SLCO2B1: variants seen among roughly 807,000 people sequenced by gnomAD.
SLCO2B1 encodes the protein OATP-RP2.
SLCO2B1 carries 41 observed loss-of-function variants against 67.3 expected under a neutral mutation model. That is an observed-to-expected ratio of 0.61 (90% CI 0.47 to 0.79). The LOEUF (loss-of-function observed/expected upper bound fraction) is 0.79. Among genes scored for constraint, SLCO2B1 ranks in the 30% least tolerant of loss-of-function variants. The pLI, the probability that SLCO2B1 is intolerant of heterozygous loss-of-function variation, is 0.00. For synonymous variants in SLCO2B1, 379 were observed against 381.4 expected (o/e 0.99, Z 0.07); for missense variants, 837 against 920.1 (o/e 0.91, Z 1.17).
intron 8 of SLCO2B1, among the ~76,000 whole-genome samples, chr11:75,191,634 G>A (rs1460069672): frequency 6.6e-6 from 1 of 152,174 alleles, no homozygotes. Flanking sequence ...TCCCATGACA[G>A]AGGCCCTGGT....
intron 2 of SLCO2B1, among the ~76,000 whole-genome samples, chr11:75,163,209 A>G (rs185265474): frequency 6.6e-6 from 1 of 152,302 alleles, no homozygotes; most frequent in East Asian, 1.9e-4. Context: ...GATCTTATTT[A>G]GTTCTCACAA....
intron 7 of SLCO2B1, among the ~76,000 whole-genome samples, chr11:75,180,129 T>C (rs1462292219): frequency 6.6e-6 from 1 of 152,226 alleles, no homozygotes; most frequent in African/African-American, 2.4e-5. Context: ...GTAATTTGCC[T>C]GTCTCAGCCT....
intron 11 of SLCO2B1, chr11:75,200,588 G>C (rs1945167897): frequency 1.9e-6 from 1 of 515,942 alleles, no homozygotes; most frequent in Non-Finnish European, 3.3e-6. Context: ...AGAAAATTGA[G>C]GCTCAGAGAA....
chr11:75,199,066 C>T (rs1352502004), intron 10 of SLCO2B1, among the ~76,000 whole-genome samples: 2 of 152,200 alleles, frequency 1.3e-5, no homozygotes, highest in African/African-American at 2.4e-5. Context: ...CAGGATGCCT[C>T]TCTCCCAGGA....
At chr11:75,198,225 T>C (rs1436091511) in intron 10 of SLCO2B1, among the ~76,000 whole-genome samples, 1 of 152,148 alleles carries the variant, frequency 6.6e-6, no homozygotes, top group Non-Finnish European at 1.5e-5. Context: ...CTCCTGTGGA[T>C]ATGGGAACCG....
At chr11:75,152,808 G>A (rs931231622) in intron 1 of SLCO2B1, among the ~76,000 whole-genome samples, 9 of 152,124 alleles carry the variant, frequency 5.9e-5, no homozygotes, top group African/African-American at 2.2e-4. Flanking sequence ...GCCATCTCTA[G>A]CCTTGCTTCC....
chr11:75,197,108 C>T (rs1945112180), intron 10 of SLCO2B1, among the ~76,000 whole-genome samples: 1 of 152,224 alleles, frequency 6.6e-6, no homozygotes, highest in Non-Finnish European at 1.5e-5. Context: ...AAGAGTGAAA[C>T]TCCATCTCAA....
In SLCO2B1 at chr11:75,193,785, T is replaced by C. The variant is rs933724864; in HGVS notation, c.1433+210T>C. On this transcript the variant is annotated intron_variant, in intron 9 of 13. Transcript: ENST00000289575. The surrounding 1 kb of genome is among the most constrained non-coding windows in gnomAD (Gnocchi z 4.2). ...GTGTCAGGCACCACTGGAAGGGGCA[T>C]GGATGAGACTTCAGGGGCAGAAACT... Among the ~76,000 whole-genome samples the C allele has an allele frequency of 6.6e-6, 1 of 152,114 alleles. No homozygotes were observed. Among genetic ancestry groups the C allele is most frequent in the Non-Finnish European group, 1.5e-5 (1 of 67,996 alleles).
chr11:75,204,208 G>A (rs921081538), intron 13 of SLCO2B1, 192 bp from the exon 14 acceptor site: 4 of 534,180 alleles, frequency 7.5e-6, no homozygotes, highest in Non-Finnish European at 1.3e-5. Flanking sequence ...GGGCGATGAA[G>A]ATGGCCAGGC....
rs982193356 is a variant in SLCO2B1, at chr11:75,170,962, A to G, written c.781+1198A>G. On this transcript the variant is annotated intron_variant, in intron 6 of 13. Transcript: ENST00000289575. ...CTGCCACCTCGAAACTCCCTTCTCC[A>G]TGGGGGATTTCACAGGGTGGGCAGA... is the stretch of plus-strand genomic sequence containing the variant. Among the ~76,000 whole-genome samples the G allele has an allele frequency of 3.3e-5, 5 of 152,090 alleles. No individual in the cohort carries two copies. In the South Asian group the frequency reaches 8.3e-4, roughly 25 times the overall value.
intron 7 of SLCO2B1, among the ~76,000 whole-genome samples, chr11:75,182,037 C>T (rs1950097743): frequency 6.6e-6 from 1 of 152,220 alleles, no homozygotes; most frequent in African/African-American, 2.4e-5. Context: ...TGTGGCCCAT[C>T]TTTTGGCCCC....
At chr11:75,200,198 G>A in intron 10 of SLCO2B1, 26 bp from the exon 11 acceptor site, 2 of 1,590,800 alleles carry the variant, frequency 1.3e-6, no homozygotes, top group Non-Finnish European at 1.7e-6. Flanking sequence ...GGCTCTTGAA[G>A]TCTCTTCCTC....
chr11:75,168,557 T>C (rs926035424), intron 4 of SLCO2B1, among the ~76,000 whole-genome samples: 1 of 152,164 alleles, frequency 6.6e-6, no homozygotes, highest in Admixed American at 6.5e-5. Flanking sequence ...TGCATCTGTG[T>C]CCCAAGCTGA....
Position 75,200,474 on chromosome 11 carries a change from A to G in SLCO2B1, c.1763+87A>G. On this transcript the variant is annotated intron_variant, in intron 11 of 13. Coordinates refer to ENST00000289575, the MANE Select transcript of SLCO2B1 (RefSeq NM_007256.5). ...CAAGGAATTCCAAGGACGGAGTTCA[A>G]GAAAGGAGGCCACTTGGGTGTCCTG... 6 of 1,395,786 alleles carry G rather than the reference A, an allele frequency of 4.3e-6. No homozygotes were observed. The South Asian group carries it at 7.2e-5, about 17-fold the overall frequency. The allele number at this position is 1,395,786 out of a possible 1,614,324, so 86.5% of individuals were successfully genotyped here.
intron 11 of SLCO2B1, chr11:75,202,057 G>A (rs1945190388): frequency 6.6e-6 from 1 of 152,214 alleles, no homozygotes; most frequent in African/African-American, 2.4e-5. Context: ...AAGAATTTTA[G>A]GAGTGTATGC....
chr11:75,176,885 G>A (rs1363315020), intron 7 of SLCO2B1, among the ~76,000 whole-genome samples: 3 of 152,178 alleles, frequency 2.0e-5, no homozygotes, highest in Non-Finnish European at 1.5e-5. Context: ...CACTGACGGA[G>A]GGATTGGCCC....
At chr11:75,197,458 G>A (rs1291093809) in intron 10 of SLCO2B1, among the ~76,000 whole-genome samples, 2 of 152,252 alleles carry the variant, frequency 1.3e-5, no homozygotes, top group African/African-American at 2.4e-5. Flanking sequence ...ACACACATGC[G>A]CAAGCATGCA....
chr11:75,180,006 A>G (rs79056064), intron 7 of SLCO2B1, among the ~76,000 whole-genome samples: 7 of 143,774 alleles, frequency 4.9e-5, no homozygotes, highest in East Asian at 2.1e-4. Flanking sequence ...TCCCTCTCTT[A>G]GTTATTTTTA....
In SLCO2B1 at chr11:75,193,642, G is replaced by C. The variant is rs1945060300; in HGVS notation, c.1433+67G>C. 2.1e-6 allele frequency: 3 copies of C among 1,417,148 alleles called. No individual in the cohort carries two copies. The highest frequency in any genetic ancestry group is 2.8e-5 in the South Asian group (2 of 71,108). 87.8% of individuals were successfully genotyped at this position (1,417,148 alleles called of 1,614,324 possible). A position where few individuals can be genotyped will look rare whatever the true frequency, so the allele number is the denominator to read the frequency against. On this transcript the variant is annotated intron_variant, in intron 9 of 13. Transcript: ENST00000289575. The surrounding 1 kb of genome is among the most constrained non-coding windows in gnomAD (Gnocchi z 4.2). ...CAGGACAGGGAGGACAGGGGCCCTGGGCAGAGGCCAGGATGGCAGGGCAAC... is the reference window on the plus strand; with the variant it reads ...CAGGACAGGGAGGACAGGGGCCCTGCGCAGAGGCCAGGATGGCAGGGCAAC...
Sources: allele counts gnomAD v4.1 joint callset (sites outside exome capture counted in the v4.1 genomes callset), GRCh38; gene constraint gnomAD v4.1.1; non-coding constraint Gnocchi (gnomAD v3.1); transcripts MANE v1.5; gene names NCBI Gene and HGNC (gene_info 2026-07-23, HGNC 2026-07-21).